SEMA3C: variants seen among roughly 807,000 people sequenced by gnomAD.
SEMA3C encodes semaphorin 3C.
Under a neutral mutation model 89.4 loss-of-function variants are expected in SEMA3C, and 47 were observed. The observed-to-expected ratio is 0.53, with a 90% CI of 0.42 to 0.67. The LOEUF (loss-of-function observed/expected upper bound fraction) is 0.67. SEMA3C is among the 30% of genes least tolerant of loss of function. The pLI is 0.00. For synonymous variants in SEMA3C, 310 were observed against 320.2 expected, an observed-to-expected ratio of 0.97 and a Z score of 0.34; for missense variants, 839 against 929.1, an observed-to-expected ratio of 0.90 and a Z score of 1.26.
intron 1 of SEMA3C, among the ~76,000 whole-genome samples, chr7:80,917,155 A>G (rs559429194): frequency 6.6e-6 from 1 of 152,338 alleles, no homozygotes; most frequent in South Asian, 2.1e-4. Context: ...ATTACATTAA[A>G]AAGACTTGAA....
At chr7:80,828,327 T>C (rs984363849) in intron 3 of SEMA3C, among the ~76,000 whole-genome samples, 3 of 152,076 alleles carry the variant, frequency 2.0e-5, no homozygotes, top group South Asian at 2.1e-4. Flanking sequence ...ATCCCTTTTT[T>C]CTTTATATAT....
chr7:80,765,530 AT>A (rs1788278658), intron 12 of SEMA3C, among the ~76,000 whole-genome samples: 1 of 152,068 alleles, frequency 6.6e-6, no homozygotes, highest in African/African-American at 2.4e-5. Flanking sequence ...TCGGAACCAA[AT>A]GTGTATTCTT....
intron 12 of SEMA3C, among the ~76,000 whole-genome samples, chr7:80,776,693 T>C (rs1788556464): frequency 6.6e-6 from 1 of 152,232 alleles, no homozygotes; most frequent in Admixed American, 6.5e-5. Flanking sequence ...GATTCATCTA[T>C]GATGTTACTG....
chr7:80,782,307 C>A (rs1788709029), intron 12 of SEMA3C, among the ~76,000 whole-genome samples: 1 of 152,140 alleles, frequency 6.6e-6, no homozygotes, highest in African/African-American at 2.4e-5. Flanking sequence ...TCTCTGTCAC[C>A]TTGTTCAAGA....
intron 16 of SEMA3C, among the ~76,000 whole-genome samples, chr7:80,749,844 A>C (rs1381505713): frequency 6.6e-6 from 1 of 152,144 alleles, no homozygotes; most frequent in Non-Finnish European, 1.5e-5. Flanking sequence ...AAAAGCACTT[A>C]GCTCAGGTTC....
intron 9 of SEMA3C, among the ~76,000 whole-genome samples, chr7:80,801,720 T>C (rs1789212513): frequency 6.6e-6 from 1 of 151,846 alleles, no homozygotes; most frequent in African/African-American, 2.4e-5. Flanking sequence ...TGACAATGTC[T>C]AGCTCTCCCT....
intron 2 of SEMA3C, among the ~76,000 whole-genome samples, chr7:80,841,629 C>A (rs1234474839): frequency 1.3e-5 from 2 of 152,096 alleles, no homozygotes; most frequent in Non-Finnish European, 2.9e-5. Context: ...TGATGGAGGA[C>A]CACCCACAGC....
chr7:80,797,339 G>A (rs1789088965), intron 11 of SEMA3C, among the ~76,000 whole-genome samples: 2 of 151,710 alleles, frequency 1.3e-5, no homozygotes, highest in African/African-American at 4.8e-5. Context: ...GAAAAATTCC[G>A]GTTCTAATAT....
chr7:80,878,087 A>G (rs1791241779), intron 2 of SEMA3C, among the ~76,000 whole-genome samples: 1 of 152,172 alleles, frequency 6.6e-6, no homozygotes, highest in African/African-American at 2.4e-5. Context: ...CATAGAATAA[A>G]AAAAATGAGG....
At chr7:80,769,057 A>AT (rs1368759355) in intron 12 of SEMA3C, among the ~76,000 whole-genome samples, 1 of 152,106 alleles carries the variant, frequency 6.6e-6, no homozygotes, top group Non-Finnish European at 1.5e-5. Flanking sequence ...AACTCTTTAA[A>AT]TTTTTTTATC....
upstream of SEMA3C, chr7:80,919,389 T>C (rs982576990): frequency 2.4e-4 from 240 of 984,684 alleles, no homozygotes; most frequent in Middle Eastern, 5.2e-4. Context: ...CGCTCCACGG[T>C]TTTTGTTGCC....
chr7:80,867,284 A>G (rs1562914403), intron 2 of SEMA3C, among the ~76,000 whole-genome samples: 1 of 151,918 alleles, frequency 6.6e-6, no homozygotes, highest in Non-Finnish European at 1.5e-5. Flanking sequence ...ACTTTTTTTT[A>G]GAGACAGGAT....
At chr7:80,786,774 A>T (rs1788813762) in intron 12 of SEMA3C, among the ~76,000 whole-genome samples, 1 of 152,246 alleles carries the variant, frequency 6.6e-6, no homozygotes, top group Admixed American at 6.5e-5. Flanking sequence ...TATTGAGTTT[A>T]TCAGGTACTG....
chr7:80,904,802 A>G (rs116188107), intron 2 of SEMA3C, among the ~76,000 whole-genome samples: 1,715 of 152,240 alleles, frequency 0.011, 29 homozygotes, highest in African/African-American at 0.039. Context: ...AGAGATAGTG[A>G]CTGAATTGGT....
chr7:80,838,879 T>G (rs552646259), intron 2 of SEMA3C, among the ~76,000 whole-genome samples: 4 of 152,282 alleles, frequency 2.6e-5, no homozygotes, highest in Non-Finnish European at 5.9e-5. Flanking sequence ...CACGTGATGA[T>G]TACAACTGAG....
At chr7:80,866,396 A>T (rs1016027956) in intron 2 of SEMA3C, among the ~76,000 whole-genome samples, 1 of 152,190 alleles carries the variant, frequency 6.6e-6, no homozygotes, top group African/African-American at 2.4e-5. Context: ...AAAGAGCTAG[A>T]ATCAAATCTT....
At chr7:80,863,666 TATATATACACAC>T (rs1414892011) in intron 2 of SEMA3C, among the ~76,000 whole-genome samples, 1 of 149,946 alleles carries the variant, frequency 6.7e-6, no homozygotes, top group Admixed American at 6.7e-5. Flanking sequence ...ATCACATATA[TATATATACACAC>T]ATATATATAC....
intron 9 of SEMA3C, 144 bp downstream of exon 9, chr7:80,802,521 A>G: frequency 1.8e-6 from 1 of 545,496 alleles, no homozygotes; most frequent in Non-Finnish European, 3.2e-6. Context: ...AAAATTTATG[A>G]ACAGTATCTA....
At chr7:80,820,054 C>CT (rs768363975) in intron 4 of SEMA3C, among the ~76,000 whole-genome samples, 8,354 of 124,056 alleles carry the variant, frequency 0.067, 558 homozygotes, top group East Asian at 0.25. Context: ...ATGTATGCTC[C>CT]TTTTTTTTTT....
Sources: gnomAD v4.1 joint callset for allele counts (sites outside exome capture counted in the v4.1 genomes callset) on GRCh38, gnomAD v4.1.1 for gene constraint, MANE v1.5 for transcripts, NCBI Gene and HGNC (gene_info 2026-07-23, HGNC 2026-07-21) for gene names.